Variants in ITGA11 observed in about 807,000 individuals in gnomAD.
ITGA11 encodes integrin alpha-11.
ITGA11 carries 97 observed loss-of-function variants against 141.9 expected under a neutral mutation model. The ratio of observed to expected loss-of-function variants is 0.68; its 90% confidence interval spans 0.58 to 0.81. ITGA11 has a LOEUF of 0.81. ITGA11 is among the 30% of genes least tolerant of loss of function. ITGA11 has a pLI of 0.00. For missense variants in ITGA11, 1,387 were observed against 1,559.2 expected, an observed-to-expected ratio of 0.89 and a Z score of 1.86; for synonymous variants, 658 against 624.6, an observed-to-expected ratio of 1.05 and a Z score of -0.80.
chr15:68,413,954 GCT>G (rs1016860988), intron 1 of ITGA11, among the ~76,000 whole-genome samples: 1 of 152,176 alleles, frequency 6.6e-6, no homozygotes, highest in Non-Finnish European at 1.5e-5. Flanking sequence ...CCAGGGCCCA[GCT>G]CTCTCTCTCC....
chr15:68,309,693 C>T (rs975384278), intron 26 of ITGA11, among the ~76,000 whole-genome samples: 1 of 145,046 alleles, frequency 6.9e-6, no homozygotes, highest in African/African-American at 2.6e-5. Context: ...CTCCCAGGTT[C>T]AAGAGATTCT....
chr15:68,386,638 T>C (rs1046668431), intron 2 of ITGA11, among the ~76,000 whole-genome samples: 3 of 152,186 alleles, frequency 2.0e-5, no homozygotes. Context: ...CGGTCAGTTC[T>C]GCAGGGGGCA....
chr15:68,337,889 T>G (rs1449577852), intron 11 of ITGA11, among the ~76,000 whole-genome samples: 2 of 152,242 alleles, frequency 1.3e-5, no homozygotes, highest in Admixed American at 1.3e-4. Flanking sequence ...TTCCCACATG[T>G]TCCTCCTTTT....
chr15:68,419,641 C>T (rs1896970254), intron 1 of ITGA11, among the ~76,000 whole-genome samples: 1 of 152,220 alleles, frequency 6.6e-6, no homozygotes, highest in African/African-American at 2.4e-5. Flanking sequence ...AGGAAATGTT[C>T]ATGGCAGCAT....
chr15:68,348,516 C>T (rs983195169), intron 10 of ITGA11, among the ~76,000 whole-genome samples: 6 of 152,240 alleles, frequency 3.9e-5, no homozygotes, highest in South Asian at 2.1e-4. Context: ...GTAGTCCATT[C>T]GCTTCTAAAG....
intron 2 of ITGA11, among the ~76,000 whole-genome samples, chr15:68,382,660 C>G (rs1895891734): frequency 6.6e-6 from 1 of 152,240 alleles, no homozygotes; most frequent in African/African-American, 2.4e-5. Flanking sequence ...CCTCTCTTCT[C>G]TCTTGTTGGC....
Position 68,422,653 on chromosome 15 carries a change from C to T in ITGA11, c.52+9362G>A, listed in dbSNP as rs559771356. On this transcript the variant is annotated intron_variant, in intron 1 of 29. Transcript: ENST00000315757. ...AAATCCAAATGCCTTAGTTGGCTTT[C>T]GGTTTCCTCTCAGAGGCCTCAGCCC... 1.8e-4 allele frequency among the ~76,000 whole-genome samples: 28 copies of T among 152,256 alleles called. No homozygotes were observed. In the East Asian group the frequency reaches 4.6e-3, roughly 25 times the overall value.
At chr15:68,375,656 C>T (rs571259099) in intron 2 of ITGA11, among the ~76,000 whole-genome samples, 8 of 152,304 alleles carry the variant, frequency 5.3e-5, no homozygotes, top group African/African-American at 9.6e-5. Context: ...GCTAGGGAAA[C>T]GAGAGCCCCT....
At chr15:68,403,630 T>A (rs2140414174) in intron 1 of ITGA11, among the ~76,000 whole-genome samples, 1 of 149,936 alleles carries the variant, frequency 6.7e-6, no homozygotes, top group African/African-American at 2.5e-5. Context: ...CTTTCTTTCT[T>A]TCTTTTTTTT....
At chr15:68,344,909 T>C (rs192351388) in intron 10 of ITGA11, among the ~76,000 whole-genome samples, 13 of 152,134 alleles carry the variant, frequency 8.5e-5, no homozygotes, top group Admixed American at 1.3e-4. Context: ...GATTTAGGAT[T>C]CCAGTGTAGG....
In ITGA11 at chr15:68,303,785, A is replaced by C. The variant is rs907414924; in HGVS notation, c.3482T>G (p.Leu1161Arg). The change falls in exon 29 of 30, where the codon CTG becomes CGG. Residue 1161 changes from leucine to arginine, a missense_variant. Leu to Arg is a moderately radical substitution (Grantham distance 102). Coordinates refer to ENST00000315757, the MANE Select transcript of ITGA11 (RefSeq NM_001004439.2). This position sits in a 1 kb window ranked among gnomAD's most constrained non-coding sequence, Gnocchi z 5.3. ...CAGGGCCCTCACCTTCCACAGTGCC[A>C]GGACCAGCAGGGCCAGCAGTAGGAG... ...GGLLLLALLV[L>R]ALWKLGFFRS... The C allele has an allele frequency of 2.0e-5, 32 of 1,610,844 alleles. No individual in the cohort carries two copies. The highest frequency in any genetic ancestry group is 2.5e-5 in the Non-Finnish European group (29 of 1,177,800).
intron 1 of ITGA11, among the ~76,000 whole-genome samples, chr15:68,426,782 A>C (rs1299852088): frequency 6.6e-6 from 1 of 152,140 alleles, no homozygotes; most frequent in African/African-American, 2.4e-5. Flanking sequence ...TGGGAGGCCA[A>C]GGCAGGCAGA....
At chr15:68,431,712 G>A (rs762037087) in intron 1 of ITGA11, among the ~76,000 whole-genome samples, 23 of 152,248 alleles carry the variant, frequency 1.5e-4, no homozygotes, top group Non-Finnish European at 2.9e-5. Context: ...CATGGGCCTT[G>A]GAGGCACCTA....
chr15:68,357,086 G>T (rs1166852620), intron 7 of ITGA11, 65 bp downstream of exon 7: 14 of 1,440,534 alleles, frequency 9.7e-6, no homozygotes, highest in Non-Finnish European at 1.3e-5. Flanking sequence ...GTGTTACAAG[G>T]CAATAGATAA....
chr15:68,333,748 C>T lies in ITGA11; in HGVS notation c.1426-1270G>A. ...GGCGTGGCCTCTAACACCACTCCAC[C>T]TCTTGCTTTTGGGATAGTATCTAAA... On this transcript the variant is annotated intron_variant, in intron 12 of 29. Transcript: ENST00000315757. This position sits in a 1 kb window ranked among gnomAD's most constrained non-coding sequence, Gnocchi z 4.2. Among the ~76,000 whole-genome samples the T allele has an allele frequency of 6.6e-6, 1 of 152,222 alleles. No homozygotes were observed. The highest frequency in any genetic ancestry group is 1.9e-4 in the East Asian group (1 of 5,190).
chr15:68,415,238 G>T (rs949293808), intron 1 of ITGA11, among the ~76,000 whole-genome samples: 1 of 152,154 alleles, frequency 6.6e-6, no homozygotes, highest in Non-Finnish European at 1.5e-5. Flanking sequence ...CTCATCTCTG[G>T]ATGTGTCTCT....
chr15:68,332,794 G>A (rs538635496), intron 12 of ITGA11, among the ~76,000 whole-genome samples: 32 of 152,290 alleles, frequency 2.1e-4, no homozygotes, highest in African/African-American at 7.7e-4. Flanking sequence ...AAAATCAGGA[G>A]ACTATTTAAA....
At chr15:68,348,691 A>G in intron 10 of ITGA11, 139 bp downstream of exon 10, 1 of 697,582 alleles carries the variant, frequency 1.4e-6, no homozygotes, top group Non-Finnish European at 2.5e-6. Flanking sequence ...AGGCAGAGAG[A>G]CCCCAAGAAA....
In ITGA11 at chr15:68,297,622, G is replaced by A. The variant is rs1170793506; in HGVS notation, c.*5437C>T. ...ATGTTTTTACAAAAGCACTGTAATG[G>A]TTTTTTTTGTTTTTAAAGAAATAAA... On this transcript the variant is annotated 3_prime_UTR_variant, in exon 30 of 30. Transcript: ENST00000315757. 1.3e-5 allele frequency: 2 copies of A among 151,052 alleles called. No individual in the cohort carries two copies. Among genetic ancestry groups the A allele is most frequent in the Non-Finnish European group, 3.0e-5 (2 of 67,692 alleles). 9.4% of individuals were successfully genotyped at this position (151,052 alleles called of 1,614,324 possible). A position where few individuals can be genotyped will look rare whatever the true frequency, so the allele number is the denominator to read the frequency against.
Sources: gnomAD v4.1 joint callset for allele counts (sites outside exome capture counted in the v4.1 genomes callset) on GRCh38, gnomAD v4.1.1 for gene constraint, Gnocchi (gnomAD v3.1) non-coding constraint, MANE v1.5 for transcripts, NCBI Gene and HGNC (gene_info 2026-07-23, HGNC 2026-07-21) for gene names.